SMAD1: variants seen among roughly 807,000 people sequenced by gnomAD.
The protein encoded by SMAD1 is MAD, mothers against decapentaplegic homolog 1.
SMAD1 carries 6 observed loss-of-function variants against 41.6 expected under a neutral mutation model. That is an observed-to-expected ratio of 0.14 (90% CI 0.08 to 0.28). The LOEUF (loss-of-function observed/expected upper bound fraction) is 0.28. Among genes scored for constraint, SMAD1 ranks in the 10% least tolerant of loss-of-function variants. SMAD1 has a pLI of 1.00. For missense variants in SMAD1, 379 were observed against 582.6 expected (o/e 0.65, Z 3.60); for synonymous variants, 206 against 203.2 (o/e 1.01, Z -0.12).
chr4:145,554,120 A>C, intron 6 of SMAD1, 80 bp downstream of exon 6: 1 of 1,214,964 alleles, frequency 8.2e-7, no homozygotes, highest in Non-Finnish European at 1.2e-6. Flanking sequence ...GCGATATATG[A>C]ATCTATATCC....
chr4:145,539,651 A>T (rs952793097), intron 2 of SMAD1, among the ~76,000 whole-genome samples, 153 bp from the exon 3 acceptor site: 3 of 152,246 alleles, frequency 2.0e-5, no homozygotes, highest in African/African-American at 7.2e-5. Flanking sequence ...AGGGTAAAAT[A>T]GCTTTTCATT....
intron 1 of SMAD1, among the ~76,000 whole-genome samples, chr4:145,499,379 T>C (rs1333591714): frequency 6.6e-6 from 1 of 152,164 alleles, no homozygotes; most frequent in Middle Eastern, 3.2e-3. Flanking sequence ...TCCCAACCCT[T>C]TGGGAGGCTG....
chr4:145,515,446 A>T (rs7699352), intron 2 of SMAD1, among the ~76,000 whole-genome samples: 1 of 152,196 alleles, frequency 6.6e-6, no homozygotes, highest in Non-Finnish European at 1.5e-5. Flanking sequence ...CTATATGCTT[A>T]AGGGAAGTAC....
chr4:145,534,409 T>A (rs1348027008), intron 2 of SMAD1, among the ~76,000 whole-genome samples: 1 of 152,220 alleles, frequency 6.6e-6, no homozygotes, highest in African/African-American at 2.4e-5. Flanking sequence ...TAACTTTTTT[T>A]ACCGGAGGTA....
chr4:145,540,107 G>T (rs1469602366), intron 3 of SMAD1, 46 bp downstream of exon 3: 1 of 1,603,432 alleles, frequency 6.2e-7, no homozygotes, highest in South Asian at 1.1e-5. Context: ...ATCAGACAGT[G>T]TTATCACAGT....
At chr4:145,505,010 T>G (rs1318665959) in intron 1 of SMAD1, among the ~76,000 whole-genome samples, 1 of 152,252 alleles carries the variant, frequency 6.6e-6, no homozygotes, top group African/African-American at 2.4e-5. Flanking sequence ...TATAATCTTC[T>G]GTGAGTCTGT....
chr4:145,518,515 G>C (rs1387737134), intron 2 of SMAD1, among the ~76,000 whole-genome samples: 2 of 123,578 alleles, frequency 1.6e-5, no homozygotes, highest in African/African-American at 5.1e-5. Flanking sequence ...AAATGTGCAA[G>C]GTGACTTAGC....
chr4:145,496,357 A>G (rs574545776), intron 1 of SMAD1, among the ~76,000 whole-genome samples: 106 of 152,298 alleles, frequency 7.0e-4, no homozygotes, highest in African/African-American at 2.5e-3. Context: ...TTTGTCATCT[A>G]TAAAATAGTT....
chr4:145,553,319 C>G (rs1382068934), intron 5 of SMAD1, among the ~76,000 whole-genome samples: 5 of 151,986 alleles, frequency 3.3e-5, no homozygotes, highest in Admixed American at 6.6e-5. Flanking sequence ...ATCAGCCATC[C>G]CCAGTCTTTT....
intron 2 of SMAD1, among the ~76,000 whole-genome samples, chr4:145,520,673 T>C (rs1180513085): frequency 6.6e-6 from 1 of 152,208 alleles, no homozygotes; most frequent in African/African-American, 2.4e-5. Flanking sequence ...TGGGATAAGT[T>C]GTCTTTAAGT....
In SMAD1 at chr4:145,514,979, C is replaced by T. The variant is rs375726372; in HGVS notation, c.366C>T (p.Ile122=). Residue 122 remains isoleucine (I), a synonymous_variant, in exon 2 of 7, where the codon ATC becomes ATT. Coordinates refer to ENST00000302085, the MANE Select transcript of SMAD1 (RefSeq NM_005900.3). This position sits in a 1 kb window ranked among gnomAD's most constrained non-coding sequence, Gnocchi z 4.7. The stretch of plus-strand genomic sequence containing the variant: ...GTTCCAAGCAGAAGGAGGTCTGCAT[C>T]AATCCCTACCACTATAAGAGAGTAG... ...PFGSKQKEVC[I]NPYHYKRVES... 4.6e-5 allele frequency: 75 copies of T among 1,613,674 alleles called. 1 individual carries two copies. The highest frequency in any genetic ancestry group is 6.3e-5 in the Non-Finnish European group (74 of 1,179,792).
intron 3 of SMAD1, among the ~76,000 whole-genome samples, chr4:145,542,364 C>T (rs1404514609): frequency 6.6e-6 from 1 of 152,184 alleles, no homozygotes; most frequent in Non-Finnish European, 1.5e-5. Context: ...TAATTCTTTT[C>T]CTCCCACTGA....
At chr4:145,525,616 G>A (rs1354972397) in intron 2 of SMAD1, 1 of 152,558 alleles carries the variant, frequency 6.6e-6, no homozygotes, top group East Asian at 1.9e-4. Context: ...GGTTTGGGCT[G>A]GGGTGGGTTG....
chr4:145,493,885 A>G (rs1046910459), intron 1 of SMAD1, among the ~76,000 whole-genome samples: 1 of 152,202 alleles, frequency 6.6e-6, no homozygotes. Context: ...CTTCAAAATC[A>G]AGGGATTGGG....
At position 145,482,998 on chromosome 4, in the gene SMAD1, T is replaced by A. The variant is rs1480860261; in HGVS notation, c.-177+960T>A. 2 of 152,204 alleles carry A rather than the reference T, an allele frequency of 1.3e-5. No individual in the cohort carries two copies. Among genetic ancestry groups the A allele is most frequent in the Admixed American group, 1.3e-4 (2 of 15,288 alleles). The allele number at this position is 152,204 out of a possible 1,614,324, so 9.4% of individuals were successfully genotyped here. A position where few individuals can be genotyped will look rare whatever the true frequency, so the allele number is the denominator to read the frequency against. ...AAGGGAGAACGTTTTCTTGATGTGC[T>A]TTAGGAGGGGAGGAGGAACAAATGC... On this transcript the variant is annotated intron_variant, in intron 1 of 6. Transcript: ENST00000302085. The surrounding 1 kb of genome is among the most constrained non-coding windows in gnomAD (Gnocchi z 4.2).
intron 6 of SMAD1, among the ~76,000 whole-genome samples, chr4:145,557,434 A>G (rs539065100): frequency 6.6e-6 from 1 of 152,334 alleles, no homozygotes; most frequent in African/African-American, 2.4e-5. Flanking sequence ...TTGATGATAA[A>G]ATGAGAATTT....
At chr4:145,489,198 C>T (rs1728646194) in intron 1 of SMAD1, among the ~76,000 whole-genome samples, 1 of 152,198 alleles carries the variant, frequency 6.6e-6, no homozygotes, top group African/African-American at 2.4e-5. Flanking sequence ...AGGCAGTGAG[C>T]AGCCCTGCCT....
At chr4:145,519,608 C>T (rs1009908044) in intron 2 of SMAD1, among the ~76,000 whole-genome samples, 1 of 149,616 alleles carries the variant, frequency 6.7e-6, no homozygotes, top group African/African-American at 2.5e-5. Flanking sequence ...GAGCTATCAT[C>T]ATGTCGCTGC....
At chr4:145,494,327 C>T (rs1480929671) in intron 1 of SMAD1, among the ~76,000 whole-genome samples, 1 of 152,188 alleles carries the variant, frequency 6.6e-6, no homozygotes, top group African/African-American at 2.4e-5. Flanking sequence ...CATAGTGTAT[C>T]TCTTAGACAG....
Sources: allele counts gnomAD v4.1 joint callset (sites outside exome capture counted in the v4.1 genomes callset), GRCh38; gene constraint gnomAD v4.1.1; non-coding constraint Gnocchi (gnomAD v3.1); transcripts MANE v1.5; gene names NCBI Gene and HGNC (gene_info 2026-07-23, HGNC 2026-07-21).